PHC1: variants seen among roughly 807,000 people sequenced by gnomAD.
PHC1 encodes the protein polyhomeotic homolog 1.
In PHC1, 12 loss-of-function variants were observed where a neutral mutation model predicts 104.3. That is an observed-to-expected ratio of 0.12 (90% CI 0.07 to 0.19). The LOEUF (loss-of-function observed/expected upper bound fraction) is 0.19. Ranked by LOEUF, PHC1 falls within the 10% of genes least tolerant of loss-of-function variation. The probability of loss-of-function intolerance (pLI) is 1.00; values close to 1 mark genes in which losing one functional copy is unlikely to be tolerated. For synonymous variants in PHC1, 302 were observed against 455.8 expected (o/e 0.66, Z 4.30); for missense variants, 671 against 1,200.0 (o/e 0.56, Z 6.51).
intron 14 of PHC1, among the ~76,000 whole-genome samples, chr12:8,939,069 GCCT>G (rs1233094226): frequency 6.6e-6 from 1 of 152,156 alleles, no homozygotes; most frequent in Non-Finnish European, 1.5e-5. Flanking sequence ...CAAGTGATCT[GCCT>G]GCCCTGGTCT....
chr12:8,935,008 T>C (rs768143932), intron 10 of PHC1, 116 bp from the exon 11 acceptor site: 8 of 599,912 alleles, frequency 1.3e-5, no homozygotes, highest in Non-Finnish European at 2.4e-5. Context: ...GAACCAGACT[T>C]GGTCATTAAC....
chr12:8,928,088 G>A (rs1328487739), intron 6 of PHC1, among the ~76,000 whole-genome samples: 3 of 151,626 alleles, frequency 2.0e-5, no homozygotes, highest in Non-Finnish European at 4.4e-5. Flanking sequence ...TGTATTTTTA[G>A]TAGAAGACGG....
chr12:8,933,205 A>T lies in PHC1; in HGVS notation c.1748A>T (p.Gln583Leu). ...PPSSQAPGALQECPPTLAPGM... is the reference protein window; with the variant it reads ...PPSSQAPGALLECPPTLAPGM... Reference sequence around the variant, plus strand: ...TCATCCCAGGCTCCTGGTGCACTGCAGGAGTGCCCTCCCACATTGGCCCCT... The same window carrying T: ...TCATCCCAGGCTCCTGGTGCACTGCTGGAGTGCCCTCCCACATTGGCCCCT... Residue 583 changes from glutamine (Q) to leucine (L), a missense_variant, in exon 8 of 15, where the codon CAG becomes CTG. Gln to Leu is a moderately radical substitution (Grantham distance 113). This residue lies in a region of PHC1 where 26 missense variants were observed against 130.8 expected (regional missense o/e 0.20). Coordinates refer to ENST00000544916, the MANE Select transcript of PHC1 (RefSeq NM_004426.3). 1.4e-6 allele frequency: 2 copies of T among 1,467,306 alleles called. No individual in the cohort carries two copies. Among genetic ancestry groups the T allele is most frequent in the East Asian group, 2.5e-5 (1 of 39,702 alleles). 90.9% of individuals were successfully genotyped at this position (1,467,306 alleles called of 1,614,324 possible). A position where few individuals can be genotyped will look rare whatever the true frequency, so the allele number is the denominator to read the frequency against.
intron 11 of PHC1, among the ~76,000 whole-genome samples, chr12:8,936,364 AGAGT>A (rs1945838341): frequency 2.0e-5 from 3 of 152,206 alleles, no homozygotes. Context: ...CCCGGGTGAC[AGAGT>A]GAGACTGTCT....
rs886269662 is a variant in PHC1 at position 8,919,669 on chromosome 12, G to T, written c.115-87G>T. The T allele has an allele frequency of 6.1e-6, 8 of 1,311,478 alleles. No homozygotes were observed. In the East Asian group the frequency reaches 2.0e-4, roughly 33 times the overall value. 81.2% of individuals were successfully genotyped at this position (1,311,478 alleles called of 1,614,324 possible). Reference sequence around the variant, plus strand: ...CTCCTCTGGTTTCTGTCCTTCCCATGGCCCCCTTTCACACAAATACAGTGA... The same window carrying T: ...CTCCTCTGGTTTCTGTCCTTCCCATTGCCCCCTTTCACACAAATACAGTGA... On this transcript the variant is annotated intron_variant, in intron 2 of 14. Transcript: ENST00000544916. The surrounding 1 kb of genome is among the most constrained non-coding windows in gnomAD (Gnocchi z 4.9).
At chr12:8,916,248 A>G (rs1409429443) in intron 1 of PHC1, among the ~76,000 whole-genome samples, 4 of 152,208 alleles carry the variant, frequency 2.6e-5, no homozygotes, top group Non-Finnish European at 5.9e-5. Context: ...ATTGGATGAT[A>G]CTGGGAATGA....
At position 8,919,044 on chromosome 12, in the gene PHC1, CTT is replaced by C. The variant is rs1565511726; in HGVS notation, c.115-711_115-710del. Among the ~76,000 whole-genome samples, 1 of 152,134 alleles carries C rather than the reference CTT, an allele frequency of 6.6e-6. No homozygotes were observed. Among genetic ancestry groups the C allele is most frequent in the Non-Finnish European group, 1.5e-5 (1 of 68,028 alleles). ...TCCGGTTTTTAAAGGACTATATAGACTTACTGAGGCAGAAGGATCTCTCTGTT... is the reference window on the plus strand; with the variant it reads ...TCCGGTTTTTAAAGGACTATATAGACACTGAGGCAGAAGGATCTCTCTGTT... On this transcript the variant is annotated intron_variant, in intron 2 of 14. Transcript: ENST00000544916. The surrounding 1 kb of genome is among the most constrained non-coding windows in gnomAD (Gnocchi z 4.9).
At chr12:8,920,728 C>T (rs73236289) in intron 3 of PHC1, among the ~76,000 whole-genome samples, 1 of 152,156 alleles carries the variant, frequency 6.6e-6, no homozygotes, top group African/African-American at 2.4e-5. Context: ...CCATCTTTTT[C>T]CACCTAAAAG....
At chr12:8,926,275 T>C (rs919272276) in intron 6 of PHC1, among the ~76,000 whole-genome samples, 1 of 143,650 alleles carries the variant, frequency 7.0e-6, no homozygotes, top group African/African-American at 2.5e-5. Flanking sequence ...TAGATGATAA[T>C]TGAAGTCCCC....
rs774820929 is a variant in PHC1, at chr12:8,937,172, G to A, written c.2478-4G>A. On this transcript the variant is annotated splice_polypyrimidine_tract_variant and splice_region_variant and intron_variant, in intron 12 of 14. Transcript: ENST00000544916. ...TGACATCCTATATATGCCCTGTCCT[G>A]TAGGTACAATGTGAGCTGTAGCCAT... The A allele has an allele frequency of 3.1e-6, 5 of 1,610,606 alleles. 1 individual carries two copies. In the Admixed American group the frequency reaches 6.7e-5, roughly 22 times the overall value.
chr12:8,929,710 T>C (rs776053846), intron 6 of PHC1, among the ~76,000 whole-genome samples: 9 of 152,016 alleles, frequency 5.9e-5, no homozygotes, highest in Non-Finnish European at 1.2e-4. Flanking sequence ...TGTATTTTTT[T>C]GTAGAGGCAG....
intron 6 of PHC1, among the ~76,000 whole-genome samples, chr12:8,928,803 C>T (rs1031140871): frequency 6.6e-6 from 1 of 152,132 alleles, no homozygotes. Context: ...TGTATGTACA[C>T]TTTTGGAGAG....
At chr12:8,924,586 G>A (rs746980682) in intron 6 of PHC1, among the ~76,000 whole-genome samples, 1 of 152,352 alleles carries the variant, frequency 6.6e-6, no homozygotes, top group African/African-American at 2.4e-5. Context: ...TACTTGAGCA[G>A]AGTCTTGGAC....
chr12:8,935,013 A>G, intron 10 of PHC1, 111 bp from the exon 11 acceptor site: 1 of 609,196 alleles, frequency 1.6e-6, no homozygotes, highest in Non-Finnish European at 3.0e-6. Flanking sequence ...AGACTTGGTC[A>G]TTAACTCAGA....
At chr12:8,917,478 A>G (rs1945235318) in intron 1 of PHC1, among the ~76,000 whole-genome samples, 152 bp from the exon 2 acceptor site, 1 of 152,208 alleles carries the variant, frequency 6.6e-6, no homozygotes, top group South Asian at 2.1e-4. Flanking sequence ...AGTGTATTGA[A>G]GATTTGGGAG....
At position 8,933,006 on chromosome 12, in the gene PHC1, G is replaced by C. The variant is rs1231225952; in HGVS notation, c.1549G>C (p.Ala517Pro). The change falls in exon 8 of 15, where the codon GCT becomes CCT. Residue 517 changes from alanine to proline, a missense_variant. Ala to Pro is a conservative substitution (Grantham distance 27). This residue lies in a region of PHC1 where 26 missense variants were observed against 130.8 expected (regional missense o/e 0.20). Coordinates refer to ENST00000544916, the MANE Select transcript of PHC1 (RefSeq NM_004426.3). ...TCAGTTAGGGGCCGCTAAGATGTCA[G>C]CTGCCCAGCAACCACCACCCCATAT... is the stretch of plus-strand genomic sequence containing the variant. ...PPQLGAAKMSAAQQPPPHIPV... is the reference protein window; with the variant it reads ...PPQLGAAKMSPAQQPPPHIPV... The C allele has an allele frequency of 1.8e-5, 12 of 677,440 alleles. No individual in the cohort carries two copies. The highest frequency in any genetic ancestry group is 2.0e-5 in the Non-Finnish European group (8 of 396,326). The allele number at this position is 677,440 out of a possible 1,614,324, so 42.0% of individuals were successfully genotyped here.
intron 7 of PHC1, among the ~76,000 whole-genome samples, chr12:8,931,248 G>A (rs562147382): frequency 3.3e-5 from 5 of 152,130 alleles, no homozygotes; most frequent in Non-Finnish European, 2.9e-5. Context: ...ATTGCTTACT[G>A]TTTTCTAGGA....
chr12:8,930,993 T>TTTTGCCTTTTTTTC (rs1384007948), intron 7 of PHC1, 66 bp downstream of exon 7: 1 of 1,505,610 alleles, frequency 6.6e-7, no homozygotes, highest in Non-Finnish European at 8.9e-7. Context: ...TTTTTTCTTT[T>TTTTGCCTTTTTTTC]TTTGCCTTTT....
chr12:8,915,539 C>T (rs766950716), intron 1 of PHC1, among the ~76,000 whole-genome samples: 13 of 152,116 alleles, frequency 8.5e-5, no homozygotes, highest in Non-Finnish European at 1.8e-4. Flanking sequence ...TAGGTCTGTG[C>T]GCCTACCCAA....
Sources: allele counts gnomAD v4.1 joint callset (sites outside exome capture counted in the v4.1 genomes callset), GRCh38; gene constraint gnomAD v4.1.1; regional missense constraint gnomAD v4.1.1; non-coding constraint Gnocchi (gnomAD v3.1); transcripts MANE v1.5; gene names NCBI Gene and HGNC (gene_info 2026-07-23, HGNC 2026-07-21).